The following EFCAB5 variants were observed in gnomAD, a reference collection of about 807,000 sequenced individuals.
EFCAB5 encodes EF-hand calcium-binding domain-containing protein 5.
Under a neutral mutation model 167.9 loss-of-function variants are expected in EFCAB5, and 131 were observed. That is an observed-to-expected ratio of 0.78 (90% CI 0.68 to 0.90). The LOEUF is 0.90. Ranked by LOEUF, EFCAB5 falls within the 40% of genes least tolerant of loss-of-function variation. The pLI, the probability that EFCAB5 is intolerant of heterozygous loss-of-function variation, is 0.00. For missense variants in EFCAB5, 1,663 were observed against 1,745.2 expected (o/e 0.95, Z 0.84); for synonymous variants, 574 against 602.8 (o/e 0.95, Z 0.70).
chr17:29,939,462 G>A (rs1325153710), upstream of EFCAB5, among the ~76,000 whole-genome samples: 1 of 152,198 alleles, frequency 6.6e-6, no homozygotes. Context: ...TTTGAAGCCA[G>A]ACGTTGACTT....
intron 8 of EFCAB5, among the ~76,000 whole-genome samples, chr17:30,041,186 GGAAGGAAGGAAGGAAGAAAGGAAA>G (rs896075965): frequency 1.1e-4 from 17 of 149,120 alleles, no homozygotes; most frequent in Admixed American, 6.6e-5. Flanking sequence ...TCGAAAGAAA[GGAAGGAAGGAAGGAAGAAAGGAAA>G]GAAGGAAGGA....
At chr17:29,964,739 A>G (rs936429258) in intron 3 of EFCAB5, among the ~76,000 whole-genome samples, 5 of 151,768 alleles carry the variant, frequency 3.3e-5, no homozygotes, top group African/African-American at 9.7e-5. Flanking sequence ...TGATTTTTTC[A>G]AAGAACCAAT....
At chr17:29,943,294 T>C (rs940959914) in intron 2 of EFCAB5, among the ~76,000 whole-genome samples, 4 of 152,148 alleles carry the variant, frequency 2.6e-5, no homozygotes, top group African/African-American at 7.2e-5. Flanking sequence ...TTAATGTACA[T>C]CTAAAATGAT....
intron 4 of EFCAB5, among the ~76,000 whole-genome samples, chr17:29,989,402 G>A (rs1385497327): frequency 6.6e-6 from 1 of 152,116 alleles, no homozygotes; most frequent in African/African-American, 2.4e-5. Context: ...GCAAATTGTT[G>A]GACTGTTTAA....
intron 14 of EFCAB5, chr17:30,073,196 C>CA (rs1403438451): frequency 1.4e-6 from 1 of 694,342 alleles, no homozygotes; most frequent in Non-Finnish European, 2.6e-6. Context: ...ACTGGGACTA[C>CA]AGGTGTGCAT....
intron 4 of EFCAB5, among the ~76,000 whole-genome samples, chr17:29,970,087 T>G (rs926076341): frequency 6.6e-6 from 1 of 152,222 alleles, no homozygotes; most frequent in Non-Finnish European, 1.5e-5. Flanking sequence ...ATTTTCATTT[T>G]AAATACTGAC....
intron 7 of EFCAB5, among the ~76,000 whole-genome samples, chr17:30,027,208 A>G (rs542264424): frequency 2.0e-5 from 3 of 148,104 alleles, no homozygotes; most frequent in Non-Finnish European, 3.0e-5. Context: ...GATGGTCTCA[A>G]TCTCCTGACC....
rs1338995742 is a variant in EFCAB5, at chr17:30,001,180, C to T, written c.1044+1204C>T. 5.9e-5 allele frequency among the ~76,000 whole-genome samples: 9 copies of T among 152,242 alleles called. No homozygotes were observed. The East Asian group carries it at 9.7e-4, about 16-fold the overall frequency. On this transcript the variant is annotated intron_variant, in intron 7 of 22. Coordinates refer to ENST00000394835, the MANE Select transcript of EFCAB5 (RefSeq NM_198529.4). ...CATGGTGTGGCATGCTTTCTTCACT[C>T]GGAAGTCTTAAGTAATAAAAATTTT...
At chr17:29,989,405 C>T (rs1323527852) in intron 4 of EFCAB5, among the ~76,000 whole-genome samples, 1 of 152,204 alleles carries the variant, frequency 6.6e-6, no homozygotes, top group Admixed American at 6.5e-5. Flanking sequence ...AATTGTTGGA[C>T]TGTTTAACAT....
chr17:30,092,977 G>A (rs374507484), intron 22 of EFCAB5, 41 bp downstream of exon 22: 1 of 1,458,786 alleles, frequency 6.9e-7, no homozygotes, highest in Non-Finnish European at 9.4e-7. Flanking sequence ...TATGCCAACA[G>A]CAATAAAACA....
chr17:30,088,194 C>T (rs970517352), intron 19 of EFCAB5, among the ~76,000 whole-genome samples: 1 of 152,120 alleles, frequency 6.6e-6, no homozygotes, highest in African/African-American at 2.4e-5. Context: ...ATGATCTTAG[C>T]TCATGGCAGT....
chr17:29,996,818 C>A (rs994874408), intron 6 of EFCAB5, among the ~76,000 whole-genome samples: 1 of 152,146 alleles, frequency 6.6e-6, no homozygotes, highest in African/African-American at 2.4e-5. Flanking sequence ...AGTCTTATAT[C>A]CTACACCTTC....
chr17:30,088,306 A>C (rs2071128712), intron 19 of EFCAB5, among the ~76,000 whole-genome samples: 1 of 151,908 alleles, frequency 6.6e-6, no homozygotes, highest in Admixed American at 6.6e-5. Flanking sequence ...TTTTTTTAAG[A>C]GACAGGGTCT....
intron 7 of EFCAB5, among the ~76,000 whole-genome samples, chr17:30,007,141 C>T: frequency 6.6e-6 from 1 of 152,072 alleles, no homozygotes; most frequent in Non-Finnish European, 1.5e-5. Flanking sequence ...TTAGCAAACT[C>T]GGCTGCAAAT....
chr17:30,034,721 G>C (rs999862297), intron 8 of EFCAB5, among the ~76,000 whole-genome samples: 2 of 152,136 alleles, frequency 1.3e-5, no homozygotes, highest in East Asian at 3.8e-4. Flanking sequence ...ATGAAGCTGG[G>C]AACAAAGCCC....
chr17:29,945,750 T>G (rs2067384791), intron 3 of EFCAB5, among the ~76,000 whole-genome samples: 1 of 152,138 alleles, frequency 6.6e-6, no homozygotes, highest in African/African-American at 2.4e-5. Context: ...GGATACTCTA[T>G]TTAATAAATG....
chr17:29,968,640 C>T (rs1179142986), intron 3 of EFCAB5, 151 bp from the exon 4 acceptor site: 3 of 652,866 alleles, frequency 4.6e-6, no homozygotes, highest in Non-Finnish European at 7.4e-6. Context: ...TGGTTAAAGT[C>T]ACTTTGTCTG....
At chr17:30,052,778 G>C (rs1033922425) in intron 9 of EFCAB5, among the ~76,000 whole-genome samples, 1 of 152,160 alleles carries the variant, frequency 6.6e-6, no homozygotes, top group Non-Finnish European at 1.5e-5. Context: ...ACAAAGAAGA[G>C]GGAAAGAGAT....
At chr17:30,043,638 G>A (rs867814144) in intron 8 of EFCAB5, among the ~76,000 whole-genome samples, 7 of 152,294 alleles carry the variant, frequency 4.6e-5, no homozygotes, top group South Asian at 2.1e-4. Flanking sequence ...CATCACACAC[G>A]TGAAATACTT....
Sources: gnomAD v4.1 joint callset for allele counts (sites outside exome capture counted in the v4.1 genomes callset) on GRCh38, gnomAD v4.1.1 for gene constraint, MANE v1.5 for transcripts, NCBI Gene and HGNC (gene_info 2026-07-23, HGNC 2026-07-21) for gene names.